DST: variants seen among roughly 807,000 people sequenced by gnomAD.
DST encodes bullous pemphigoid antigen.
Under a neutral mutation model 875.2 loss-of-function variants are expected in DST, and 253 were observed. That is an observed-to-expected ratio of 0.29 (90% confidence interval 0.26 to 0.32). DST has a LOEUF of 0.32. Ranked by LOEUF, DST falls within the 10% of genes least tolerant of loss-of-function variation. The pLI is 1.00. For missense variants in DST, 8,287 were observed against 9,111.6 expected, an observed-to-expected ratio of 0.91 and a Z score of 3.68; for synonymous variants, 3,124 against 3,197.1, an observed-to-expected ratio of 0.98 and a Z score of 0.77.
chr6:56,653,001 G>A (rs988410259), intron 10 of DST, among the ~76,000 whole-genome samples: 2 of 152,124 alleles, frequency 1.3e-5, no homozygotes, highest in Non-Finnish European at 2.9e-5. Flanking sequence ...ATAAAAAATC[G>A]TTTTGTTTCC....
intron 3 of DST, among the ~76,000 whole-genome samples, chr6:56,862,205 C>CA (rs1175329152): frequency 1.3e-5 from 2 of 152,172 alleles, no homozygotes; most frequent in Non-Finnish European, 2.9e-5. Context: ...CACACATACA[C>CA]AGAGCCCACC....
intron 3 of DST, among the ~76,000 whole-genome samples, chr6:56,888,097 C>T (rs993403574): frequency 6.6e-6 from 1 of 151,786 alleles, no homozygotes; most frequent in East Asian, 1.9e-4. Context: ...ACTACAGGCA[C>T]GTGCCACCAT....
intron 4 of DST, among the ~76,000 whole-genome samples, chr6:56,814,834 A>G (rs1467289083): frequency 6.6e-6 from 1 of 152,218 alleles, no homozygotes; most frequent in East Asian, 1.9e-4. Flanking sequence ...GAGAGGCAAA[A>G]TATACACTGA....
intron 4 of DST, among the ~76,000 whole-genome samples, chr6:56,782,979 G>A (rs1356388794): frequency 6.6e-6 from 1 of 152,080 alleles, no homozygotes; most frequent in Non-Finnish European, 1.5e-5. Flanking sequence ...ATTTCGTTAG[G>A]TACCCAGTAG....
At chr6:56,716,914 G>A (rs2099396560) in intron 5 of DST, among the ~76,000 whole-genome samples, 2 of 152,268 alleles carry the variant, frequency 1.3e-5, no homozygotes, top group South Asian at 4.1e-4. Context: ...GGGTGCGGTG[G>A]CTCACGCCTG....
chr6:56,868,302 G>A (rs1775236870), intron 3 of DST, among the ~76,000 whole-genome samples: 2 of 152,104 alleles, frequency 1.3e-5, no homozygotes, highest in African/African-American at 4.8e-5. Context: ...ACTGTTCTGG[G>A]CCTTATTTCC....
intron 4 of DST, among the ~76,000 whole-genome samples, chr6:56,788,501 C>T (rs1348518731): frequency 6.6e-6 from 1 of 152,092 alleles, no homozygotes; most frequent in African/African-American, 2.4e-5. Context: ...TGTTCTTTAT[C>T]ATCAGGTACT....
intron 9 of DST, among the ~76,000 whole-genome samples, chr6:56,687,659 T>A (rs1468044265): frequency 6.6e-6 from 1 of 152,150 alleles, no homozygotes; most frequent in Non-Finnish European, 1.5e-5. Context: ...CATATTGAAT[T>A]TGTCAACACA....
chr6:56,790,685 A>G (rs2099719731), intron 4 of DST, among the ~76,000 whole-genome samples: 1 of 152,164 alleles, frequency 6.6e-6, no homozygotes, highest in African/African-American at 2.4e-5. Flanking sequence ...GAAATTAAAT[A>G]TATTTTACTA....
Position 56,788,128 on chromosome 6 carries a change from C to CAAAAAAAA in DST, c.626-52847_626-52840dup, listed in dbSNP as rs781369739. On this transcript the variant is annotated intron_variant, in intron 4 of 103. Transcript: ENST00000680361. ...TGAGTGACAGAGCAAGACTCCGTCT[C>CAAAAAAAA]AAAAAAAAAAAAAAAAAAAAAAAAA... Among the ~76,000 whole-genome samples the CAAAAAAAA allele has an allele frequency of 7.5e-4, 20 of 26,588 alleles. 2 individuals are homozygous for CAAAAAAAA. Among genetic ancestry groups the CAAAAAAAA allele is most frequent in the African/African-American group, 3.9e-3 (20 of 5,140 alleles). 17.4% of individuals were successfully genotyped at this position (26,588 alleles called of 152,430 possible).
chr6:56,766,019 G>T (rs566550359), intron 4 of DST, among the ~76,000 whole-genome samples: 2 of 152,128 alleles, frequency 1.3e-5, no homozygotes, highest in African/African-American at 4.8e-5. Context: ...CTAGTCACAC[G>T]CACAAGTTAG....
At chr6:56,730,025 C>G (rs1179627214) in intron 5 of DST, among the ~76,000 whole-genome samples, 1 of 152,024 alleles carries the variant, frequency 6.6e-6, no homozygotes, top group African/African-American at 2.4e-5. Context: ...ATTTATGTGT[C>G]AATAAATTAA....
intron 2 of DST, among the ~76,000 whole-genome samples, chr6:56,907,846 T>C (rs575336771): frequency 9.2e-5 from 14 of 152,144 alleles, no homozygotes; most frequent in Non-Finnish European, 1.6e-4. Context: ...AGAGGAAAAA[T>C]TAACACGTTG....
chr6:56,661,067 C>T (rs2099038451), intron 10 of DST, among the ~76,000 whole-genome samples: 1 of 150,584 alleles, frequency 6.6e-6, no homozygotes. Flanking sequence ...GAAGTAACTC[C>T]TCCAGTACCT....
At chr6:56,853,744 A>C (rs1766447970) in intron 3 of DST, among the ~76,000 whole-genome samples, 1 of 152,176 alleles carries the variant, frequency 6.6e-6, no homozygotes, top group African/African-American at 2.4e-5. Flanking sequence ...CCACGACATA[A>C]ACACCATTAA....
At chr6:56,619,589 T>C (rs964657470) in intron 36 of DST, 1 of 1,614,022 alleles carries the variant, frequency 6.2e-7, no homozygotes, top group African/African-American at 1.3e-5. Context: ...TCTTTGTAGT[T>C]TCCCTTTTTC....
At chr6:56,660,819 G>A (rs1325638293) in intron 10 of DST, among the ~76,000 whole-genome samples, 1 of 150,762 alleles carries the variant, frequency 6.6e-6, no homozygotes, top group African/African-American at 2.4e-5. Context: ...CAGCAAAGAT[G>A]AGAAACAGTA....
chr6:56,542,428 T>TAAAAAAAAAAAAA (rs60688419), intron 61 of DST: 3 of 68,088 alleles, frequency 4.4e-5, no homozygotes, highest in Admixed American at 1.9e-4. Context: ...TAAGCTTCTT[T>TAAAAAAAAAAAAA]AAAAAAAAAA....
intron 61 of DST, among the ~76,000 whole-genome samples, chr6:56,550,983 GGTCAA>G (rs1276117199): frequency 6.6e-6 from 1 of 152,114 alleles, no homozygotes; most frequent in African/African-American, 2.4e-5. Context: ...CAATGAAGGA[GGTCAA>G]GTCAACAATA....
Sources: gnomAD v4.1 joint callset for allele counts (sites outside exome capture counted in the v4.1 genomes callset) on GRCh38, gnomAD v4.1.1 for gene constraint, MANE v1.5 for transcripts, NCBI Gene and HGNC (gene_info 2026-07-23, HGNC 2026-07-21) for gene names.